Variants in MKLN1 observed in about 807,000 individuals in gnomAD.
MKLN1 encodes muskelin 1, also known as muskelin.
A neutral mutation model predicts 99.0 loss-of-function variants in MKLN1; 18 were observed. That is an observed-to-expected ratio of 0.18 (90% CI 0.13 to 0.27). The LOEUF is 0.27. Among genes scored for constraint, MKLN1 ranks in the 10% least tolerant of loss-of-function variants. The pLI is 1.00. For synonymous variants in MKLN1, 288 were observed against 293.2 expected (o/e 0.98, Z 0.18); for missense variants, 621 against 875.9 (o/e 0.71, Z 3.67).
intron 1 of MKLN1, among the ~76,000 whole-genome samples, chr7:131,132,481 A>G (rs2116229487): frequency 6.6e-6 from 1 of 152,342 alleles, no homozygotes; most frequent in South Asian, 2.1e-4. Flanking sequence ...ATTATTTCAC[A>G]GAGGTGAAAT....
At chr7:131,162,197 C>T (rs561406739) in intron 2 of MKLN1, among the ~76,000 whole-genome samples, 4 of 151,756 alleles carry the variant, frequency 2.6e-5, no homozygotes, top group African/African-American at 9.7e-5. Context: ...GAATTACAGG[C>T]GTGCACCACC....
chr7:131,121,948 G>C (rs1795378979), intron 1 of MKLN1, among the ~76,000 whole-genome samples: 1 of 152,332 alleles, frequency 6.6e-6, no homozygotes, highest in East Asian at 1.9e-4. Flanking sequence ...CTGAGAATCA[G>C]AAACCAGGAG....
intron 2 of MKLN1, among the ~76,000 whole-genome samples, chr7:131,173,703 A>G (rs1161121220): frequency 1.3e-5 from 2 of 152,164 alleles, no homozygotes; most frequent in Non-Finnish European, 2.9e-5. Flanking sequence ...TGGGTCATAG[A>G]GCAAGATTCC....
intron 16 of MKLN1, among the ~76,000 whole-genome samples, chr7:131,472,840 A>G (rs946117772): frequency 2.8e-4 from 42 of 151,456 alleles, no homozygotes; most frequent in African/African-American, 9.7e-4. Flanking sequence ...AGTCCCAGCT[A>G]CTGGGGAGGC....
intron 1 of MKLN1, among the ~76,000 whole-genome samples, chr7:131,137,575 G>T (rs561539739): frequency 5.9e-5 from 9 of 152,086 alleles, no homozygotes; most frequent in African/African-American, 2.2e-4. Context: ...TTGTGTTTTG[G>T]TTTTGTTTTT....
chr7:131,280,401 G>T (rs1798033728), intron 3 of MKLN1, among the ~76,000 whole-genome samples: 2 of 152,136 alleles, frequency 1.3e-5, no homozygotes, highest in African/African-American at 4.8e-5. Flanking sequence ...TTCCAAAGTG[G>T]TGCCACCATT....
chr7:131,369,784 T>C (rs10267591), intron 1 of MKLN1, among the ~76,000 whole-genome samples: 2,448 of 152,300 alleles, frequency 0.016, 45 homozygotes, highest in African/African-American at 0.053. Flanking sequence ...CCTACATTTT[T>C]CCCCTAGGGT....
chr7:131,389,391 C>G (rs1794126635), intron 4 of MKLN1, among the ~76,000 whole-genome samples: 1 of 151,802 alleles, frequency 6.6e-6, no homozygotes, highest in South Asian at 2.1e-4. Context: ...ATTCTAAAAC[C>G]AAATACTGAT....
intron 3 of MKLN1, among the ~76,000 whole-genome samples, chr7:131,229,507 G>A (rs1797209409): frequency 6.6e-6 from 1 of 151,246 alleles, no homozygotes; most frequent in Admixed American, 6.6e-5. Flanking sequence ...CCCTCTGAGA[G>A]AATAGATGGT....
At chr7:131,473,637 A>G (rs1018461401) in intron 16 of MKLN1, among the ~76,000 whole-genome samples, 5 of 152,234 alleles carry the variant, frequency 3.3e-5, no homozygotes, top group African/African-American at 9.6e-5. Flanking sequence ...TTCAGCTACA[A>G]TAACACATTT....
chr7:131,307,064 C>T (rs1300713169), intron 3 of MKLN1, among the ~76,000 whole-genome samples: 4 of 152,022 alleles, frequency 2.6e-5, no homozygotes, highest in Non-Finnish European at 4.4e-5. Context: ...ATGCCATGCC[C>T]ATTTTAGCCA....
intron 3 of MKLN1, among the ~76,000 whole-genome samples, chr7:131,234,665 C>T (rs982136933): frequency 2.6e-5 from 4 of 152,180 alleles, no homozygotes; most frequent in African/African-American, 9.7e-5. Flanking sequence ...CTCTTTCCTT[C>T]AATGAATGGC....
At chr7:131,350,426 T>C (rs181204286) in intron 1 of MKLN1, among the ~76,000 whole-genome samples, 1 of 152,262 alleles carries the variant, frequency 6.6e-6, no homozygotes, top group African/African-American at 2.4e-5. Flanking sequence ...CACAATTTAT[T>C]TTCTCAATGA....
chr7:131,443,364 A>T (rs1795897680), intron 10 of MKLN1, 117 bp from the exon 11 acceptor site: 2 of 701,036 alleles, frequency 2.9e-6, no homozygotes, highest in Non-Finnish European at 5.0e-6. Flanking sequence ...ATTTAGTGTC[A>T]TTAGGGACAA....
intron 6 of MKLN1, among the ~76,000 whole-genome samples, chr7:131,407,834 A>T (rs1040496132): frequency 5.3e-5 from 8 of 151,998 alleles, no homozygotes; most frequent in African/African-American, 1.7e-4. Context: ...CTTTCATTAT[A>T]TTCTCACTGA....
chr7:131,473,921 G>A (rs564776399), intron 16 of MKLN1, among the ~76,000 whole-genome samples: 2 of 152,308 alleles, frequency 1.3e-5, no homozygotes, highest in South Asian at 2.1e-4. Flanking sequence ...GGCTGAGGTG[G>A]GTGGATCACC....
intron 12 of MKLN1, among the ~76,000 whole-genome samples, chr7:131,456,895 A>G (rs1796357987): frequency 6.6e-6 from 1 of 152,064 alleles, no homozygotes; most frequent in Admixed American, 6.6e-5. Flanking sequence ...ATTACCTTGC[A>G]TACTGATATA....
intron 2 of MKLN1, among the ~76,000 whole-genome samples, chr7:131,195,121 C>T (rs1372158440): frequency 6.6e-6 from 1 of 152,144 alleles, no homozygotes; most frequent in Non-Finnish European, 1.5e-5. Context: ...AAACCTGGTG[C>T]TATTTTTCAA....
intron 3 of MKLN1, among the ~76,000 whole-genome samples, chr7:131,305,533 T>A (rs1798449772): frequency 6.6e-6 from 1 of 152,238 alleles, no homozygotes; most frequent in East Asian, 1.9e-4. Context: ...TCCCAGTCTC[T>A]GCCTAGAATT....
Sources: allele counts gnomAD v4.1 joint callset (sites outside exome capture counted in the v4.1 genomes callset), GRCh38; gene constraint gnomAD v4.1.1; transcripts MANE v1.5; gene names NCBI Gene and HGNC (gene_info 2026-07-23, HGNC 2026-07-21).